The following TFDP1 variants were observed in gnomAD, a reference collection of about 807,000 sequenced individuals.
TFDP1 encodes the protein transcription factor Dp-1, also known as DRTF1-polypeptide 1.
TFDP1 carries 6 observed loss-of-function variants against 48.0 expected under a neutral mutation model. The observed-to-expected ratio is 0.13, with a 90% CI of 0.07 to 0.25. The LOEUF is 0.25. Ranked by LOEUF, TFDP1 falls within the 10% of genes least tolerant of loss-of-function variation. The pLI, the probability that TFDP1 is intolerant of heterozygous loss-of-function variation, is 1.00. For synonymous variants in TFDP1, 201 were observed against 211.6 expected, an observed-to-expected ratio of 0.95 and a Z score of 0.44; for missense variants, 335 against 543.0, an observed-to-expected ratio of 0.62 and a Z score of 3.81.
chr13:113,630,682 G>A (rs1461739449), intron 4 of TFDP1, among the ~76,000 whole-genome samples: 1 of 152,244 alleles, frequency 6.6e-6, no homozygotes, highest in African/African-American at 2.4e-5. Flanking sequence ...AGTTTAGATA[G>A]AGTCGTGCCA....
rs370233419 is a variant in TFDP1 at position 113,625,128 on chromosome 13, C to T, written c.186+1842C>T. Among the ~76,000 whole-genome samples the T allele has an allele frequency of 6.4e-3, 357 of 56,140 alleles. 1 individual carries two copies. Among genetic ancestry groups the T allele is most frequent in the African/African-American group, 0.018 (191 of 10,424 alleles). 36.8% of individuals were successfully genotyped at this position (56,140 alleles called of 152,430 possible). On this transcript the variant is annotated intron_variant, in intron 4 of 11. Coordinates refer to ENST00000375370, the MANE Select transcript of TFDP1 (RefSeq NM_007111.5). ...GTGTCTCTCACGTGTCCTCAGGTGT[C>T]TCTCAGGTGTCTCTCACGTGTCCTC...
At chr13:113,624,443 G>A (rs149669527) in intron 4 of TFDP1, among the ~76,000 whole-genome samples, 1 of 150,270 alleles carries the variant, frequency 6.7e-6, no homozygotes, top group Non-Finnish European at 1.5e-5. Context: ...GTGTCCTCAG[G>A]TATCTCTCAC....
At chr13:113,597,525 G>C (rs1278328107) in intron 2 of TFDP1, among the ~76,000 whole-genome samples, 2 of 152,234 alleles carry the variant, frequency 1.3e-5, no homozygotes, top group Non-Finnish European at 2.9e-5. Context: ...CTAGCCCTGC[G>C]ACCTCAGGTG....
rs1953625909 is a variant in TFDP1, at chr13:113,634,560, A to C, written c.645A>C (p.Arg215Ser). Reference sequence around the variant, plus strand: ...TGGAAAGACAGAGGAGACTTGAAAGAATAAAACAGAAACAGTCTCAACTTC... The same window carrying C: ...TGGAAAGACAGAGGAGACTTGAAAGCATAAAACAGAAACAGTCTCAACTTC... ...LEVERQRRLE[R>S]IKQKQSQLQE... The change falls in exon 8 of 12, where the codon AGA (arginine) becomes AGC (serine). Residue 215 changes from arginine to serine, a missense_variant. Around this residue, in one of 3 missense-constraint regions of TFDP1, gnomAD observed 204 missense variants for 287.1 expected, o/e 0.71. Transcript: ENST00000375370. The C allele has an allele frequency of 6.2e-7, 1 of 1,613,600 alleles. No individual in the cohort carries two copies. The highest frequency in any genetic ancestry group is 1.3e-5 in the African/African-American group (1 of 74,926).
Position 113,633,018 on chromosome 13 carries a change from T to G in TFDP1, c.309-102T>G. The G allele has an allele frequency of 1.4e-6, 2 of 1,475,324 alleles. No homozygotes were observed. The highest frequency in any genetic ancestry group is 1.8e-6 in the Non-Finnish European group (2 of 1,084,820). The allele number at this position is 1,475,324 out of a possible 1,614,324, so 91.4% of individuals were successfully genotyped here. On this transcript the variant is annotated intron_variant, in intron 5 of 11. Transcript: ENST00000375370. This position sits in a 1 kb window ranked among gnomAD's most constrained non-coding sequence, Gnocchi z 4.5. ...GCTGCGCCCGTGGGACGTGGCCCCT[T>G]TTTGTGCAGCTCATTAGAGCTCTCA...
chr13:113,615,455 G>A (rs2048833799), intron 3 of TFDP1, among the ~76,000 whole-genome samples: 1 of 152,198 alleles, frequency 6.6e-6, no homozygotes, highest in Non-Finnish European at 1.5e-5. Flanking sequence ...CCTGATGTGT[G>A]CAATCCTGCC....
intron 4 of TFDP1, among the ~76,000 whole-genome samples, chr13:113,624,245 A>G (rs1329118493): frequency 1.3e-5 from 2 of 151,962 alleles, no homozygotes; most frequent in Non-Finnish European, 2.9e-5. Flanking sequence ...GTCCTCTTAA[A>G]AGGATTGAAC....
intron 2 of TFDP1, among the ~76,000 whole-genome samples, chr13:113,597,208 A>G (rs567867529): frequency 4.6e-5 from 7 of 152,354 alleles, no homozygotes; most frequent in Admixed American, 2.0e-4. Context: ...TAAAAGGGAA[A>G]AGAGTATAAT....
intron 1 of TFDP1, chr13:113,585,510 C>T (rs1430853096): frequency 1.7e-5 from 4 of 231,246 alleles, no homozygotes; most frequent in Non-Finnish European, 3.4e-5. Context: ...CCCTCGGCCG[C>T]TGGGCGGGCC....
intron 2 of TFDP1, 73 bp downstream of exon 2, chr13:113,585,922 T>C: frequency 6.6e-7 from 1 of 1,522,818 alleles, no homozygotes; most frequent in South Asian, 1.2e-5. Flanking sequence ...TCTGCCTTTA[T>C]TTCAGAATGA....
In TFDP1 at chr13:113,623,175, T is replaced by G. The variant is rs1469313743; in HGVS notation, c.80-5T>G. 1 of 1,611,866 alleles carries G rather than the reference T, an allele frequency of 6.2e-7. No homozygotes were observed. The highest frequency in any genetic ancestry group is 8.5e-7 in the Non-Finnish European group (1 of 1,178,994). Reference sequence around the variant, plus strand: ...CGCCCTTGACCTGGTGTCCTTGTGTTGCAGGCGTGGTGTCCCTCGTGGCCG... The same window carrying G: ...CGCCCTTGACCTGGTGTCCTTGTGTGGCAGGCGTGGTGTCCCTCGTGGCCG... On this transcript the variant is annotated splice_polypyrimidine_tract_variant and splice_region_variant and intron_variant, in intron 3 of 11. Transcript: ENST00000375370. The surrounding 1 kb of genome is among the most constrained non-coding windows in gnomAD (Gnocchi z 5.2).
At chr13:113,602,254 G>A (rs1187637319) in intron 2 of TFDP1, among the ~76,000 whole-genome samples, 2 of 151,366 alleles carry the variant, frequency 1.3e-5, no homozygotes, top group African/African-American at 4.9e-5. Context: ...CGAGGGAGGA[G>A]TGGACTGAGT....
rs547145098 is a variant in TFDP1 at position 113,633,672 on chromosome 13, C to A, written c.475-218C>A. On this transcript the variant is annotated intron_variant, in intron 6 of 11. Coordinates refer to ENST00000375370, the MANE Select transcript of TFDP1 (RefSeq NM_007111.5). The surrounding 1 kb of genome is among the most constrained non-coding windows in gnomAD (Gnocchi z 4.5). ...CCCACCTCACCAGCTGGGCTCGACA[C>A]CCGAGAGCCCCCGGCTCTCCTTCTG... Among the ~76,000 whole-genome samples, 1 of 152,268 alleles carries A rather than the reference C, an allele frequency of 6.6e-6. No homozygotes were observed. The highest frequency in any genetic ancestry group is 1.9e-4 in the East Asian group (1 of 5,146).
At chr13:113,630,146 G>A (rs1199453959) in intron 4 of TFDP1, among the ~76,000 whole-genome samples, 1 of 132,758 alleles carries the variant, frequency 7.5e-6, no homozygotes, top group Admixed American at 7.8e-5. Flanking sequence ...GTGGCCCAGT[G>A]CCCCAGCAGC....
intron 3 of TFDP1, among the ~76,000 whole-genome samples, chr13:113,615,759 G>A (rs1029809823): frequency 3.3e-5 from 5 of 152,134 alleles, no homozygotes; most frequent in Admixed American, 1.3e-4. Flanking sequence ...TTAAAAAAAA[G>A]TAGCCAAGCA....
intron 4 of TFDP1, among the ~76,000 whole-genome samples, chr13:113,625,473 T>C (rs1262758694): frequency 2.4e-5 from 2 of 82,202 alleles, no homozygotes; most frequent in Non-Finnish European, 4.2e-5. Flanking sequence ...TGTCCTCAGG[T>C]GTTTCTCAGG....
chr13:113,626,972 T>C (rs971033633), intron 4 of TFDP1, among the ~76,000 whole-genome samples: 46 of 152,356 alleles, frequency 3.0e-4, no homozygotes, highest in Middle Eastern at 3.4e-3. Context: ...TGCTTTAAAC[T>C]TCGTCACTGA....
intron 2 of TFDP1, among the ~76,000 whole-genome samples, chr13:113,593,309 G>T (rs1385896807): frequency 1.4e-5 from 2 of 143,070 alleles, no homozygotes; most frequent in African/African-American, 5.5e-5. Context: ...GGTGACAGGT[G>T]TGGTGTGCGC....
Position 113,598,972 on chromosome 13 carries a change from G to T in TFDP1, c.13-12024G>T, listed in dbSNP as rs2048347862. ...TGGAAAGTTTATTTAAAAACGTAGGGTGCAGAAAGGTGTCAGAAAGTAAGC... is the reference window on the plus strand; with the variant it reads ...TGGAAAGTTTATTTAAAAACGTAGGTTGCAGAAAGGTGTCAGAAAGTAAGC... On this transcript the variant is annotated intron_variant, in intron 2 of 11. Coordinates refer to ENST00000375370, the MANE Select transcript of TFDP1 (RefSeq NM_007111.5). This position sits in a 1 kb window ranked among gnomAD's most constrained non-coding sequence, Gnocchi z 4.2. 6.6e-6 allele frequency among the ~76,000 whole-genome samples: 1 copy of T among 152,210 alleles called. No individual in the cohort carries two copies. The highest frequency in any genetic ancestry group is 2.1e-4 in the South Asian group (1 of 4,832).
Sources: allele counts gnomAD v4.1 joint callset (sites outside exome capture counted in the v4.1 genomes callset), GRCh38; gene constraint gnomAD v4.1.1; regional missense constraint gnomAD v4.1.1; non-coding constraint Gnocchi (gnomAD v3.1); transcripts MANE v1.5; gene names NCBI Gene and HGNC (gene_info 2026-07-23, HGNC 2026-07-21).